CSMD3: variants seen among roughly 807,000 people sequenced by gnomAD.
CSMD3 encodes the protein CUB and sushi domain-containing protein 3.
Under a neutral mutation model 435.2 loss-of-function variants are expected in CSMD3, and 177 were observed. The ratio of observed to expected loss-of-function variants is 0.41; its 90% CI spans 0.36 to 0.46. CSMD3 has a LOEUF of 0.46. Among genes scored for constraint, CSMD3 ranks in the 20% least tolerant of loss-of-function variants. The probability of loss-of-function intolerance (pLI) is 0.34; values close to 1 mark genes in which losing one functional copy is unlikely to be tolerated. For synonymous variants in CSMD3, 1,656 were observed against 1,520.5 expected, an observed-to-expected ratio of 1.09 and a Z score of -2.07; for missense variants, 4,265 against 4,504.6, an observed-to-expected ratio of 0.95 and a Z score of 1.52.
At chr8:113,216,050 T>C (rs1388657138) in intron 3 of CSMD3, among the ~76,000 whole-genome samples, 1 of 151,818 alleles carries the variant, frequency 6.6e-6, no homozygotes, top group Non-Finnish European at 1.5e-5. Context: ...TATATTAAAA[T>C]GTATTTTACC....
chr8:112,904,675 C>G (rs1366593591), intron 10 of CSMD3, among the ~76,000 whole-genome samples: 1 of 151,334 alleles, frequency 6.6e-6, no homozygotes, highest in Non-Finnish European at 1.5e-5. Flanking sequence ...CACCTCGGTT[C>G]TGGAAGGCAC....
rs983646107 is a variant in CSMD3, at chr8:112,633,781, A to G, written c.3715+3036T>C. Among the ~76,000 whole-genome samples the G allele has an allele frequency of 2.6e-5, 4 of 152,188 alleles. No homozygotes were observed. The East Asian group carries it at 7.7e-4, about 29-fold the overall frequency. On this transcript the variant is annotated intron_variant, in intron 22 of 70. Coordinates refer to ENST00000297405, the MANE Select transcript of CSMD3 (RefSeq NM_198123.2). ...GTAAGTTTCCAAAACTAGCTTTATC[A>G]GTTCCCTTACTATCCAGAATCAGAT...
At chr8:112,359,008 A>C (rs1246723076) in intron 38 of CSMD3, among the ~76,000 whole-genome samples, 3 of 152,202 alleles carry the variant, frequency 2.0e-5, no homozygotes, top group African/African-American at 7.2e-5. Flanking sequence ...ATTCATTGAA[A>C]GCCTTAACAA....
intron 32 of CSMD3, among the ~76,000 whole-genome samples, chr8:112,448,086 C>T (rs7824211): frequency 0.43 from 64,600 of 151,728 alleles, 14,693 homozygotes; most frequent in Middle Eastern, 0.6. Context: ...CAGCACCAAT[C>T]TTTCCTCACA....
rs868278736 is a variant in CSMD3 at position 113,436,206 on chromosome 8, C to T, written c.178+471G>A. 5.9e-5 allele frequency among the ~76,000 whole-genome samples: 9 copies of T among 152,162 alleles called. No individual in the cohort carries two copies. The South Asian group carries it at 1.9e-3, about 32-fold the overall frequency. On this transcript the variant is annotated intron_variant, in intron 1 of 70. Transcript: ENST00000297405. ...TGGCAGTGCTTGGAAGATCCCTGTGCCCTAATGCATTTAAAATCAACACAT... is the reference window on the plus strand; with the variant it reads ...TGGCAGTGCTTGGAAGATCCCTGTGTCCTAATGCATTTAAAATCAACACAT...
rs1823562257 is a variant in CSMD3, at chr8:112,515,367, T to A, written c.4756+1667A>T. Among the ~76,000 whole-genome samples, 8 of 152,260 alleles carry A rather than the reference T, an allele frequency of 5.3e-5. No individual in the cohort carries two copies. In the South Asian group the frequency reaches 1.7e-3, roughly 32 times the overall value. On this transcript the variant is annotated intron_variant, in intron 28 of 70. Coordinates refer to ENST00000297405, the MANE Select transcript of CSMD3 (RefSeq NM_198123.2). The stretch of plus-strand genomic sequence containing the variant: ...AATATGCTCTTCATGAGATATGTGG[T>A]CAAATTCCAATTAATTAGAATAAGA...
At chr8:113,206,250 T>C (rs1362807414) in intron 3 of CSMD3, among the ~76,000 whole-genome samples, 1 of 152,110 alleles carries the variant, frequency 6.6e-6, no homozygotes, top group Non-Finnish European at 1.5e-5. Flanking sequence ...GATACACAAA[T>C]ATATATGTAT....
At chr8:112,301,659 T>G (rs1820932019) in intron 53 of CSMD3, 134 bp downstream of exon 53, 1 of 688,088 alleles carries the variant, frequency 1.5e-6, no homozygotes, top group East Asian at 2.7e-5. Context: ...TTTTTAAAGA[T>G]AAGTATTTTC....
At chr8:112,368,508 C>G (rs965174828) in intron 38 of CSMD3, among the ~76,000 whole-genome samples, 2 of 152,104 alleles carry the variant, frequency 1.3e-5, no homozygotes, top group Non-Finnish European at 2.9e-5. Flanking sequence ...TGCAATTGCT[C>G]TACTTGTTTA....
intron 22 of CSMD3, among the ~76,000 whole-genome samples, chr8:112,626,132 T>A (rs1834455081): frequency 6.6e-6 from 1 of 152,200 alleles, no homozygotes; most frequent in African/African-American, 2.4e-5. Flanking sequence ...CCAGAAATGA[T>A]AATGAAAAAA....
chr8:112,924,587 C>T (rs868594977), intron 9 of CSMD3, among the ~76,000 whole-genome samples: 6 of 151,082 alleles, frequency 4.0e-5, no homozygotes, highest in Admixed American at 1.3e-4. Context: ...ATTCACTTAG[C>T]GTGGAGACAG....
At chr8:113,296,027 C>A (rs1382129918) in intron 2 of CSMD3, among the ~76,000 whole-genome samples, 1 of 152,014 alleles carries the variant, frequency 6.6e-6, no homozygotes, top group African/African-American at 2.4e-5. Flanking sequence ...AACCATCATT[C>A]TCAGCAAACT....
intron 3 of CSMD3, among the ~76,000 whole-genome samples, chr8:113,232,097 G>T (rs2093095407): frequency 1.3e-5 from 2 of 151,414 alleles, no homozygotes; most frequent in Admixed American, 1.3e-4. Context: ...TTACTGAAAA[G>T]TTTTGAGAGG....
At chr8:113,126,853 G>C (rs17605788) in intron 4 of CSMD3, among the ~76,000 whole-genome samples, 43,141 of 151,634 alleles carry the variant, frequency 0.28, 7,348 homozygotes, top group East Asian at 0.69. Context: ...AATTAACACA[G>C]GAAGCTCTCT....
chr8:112,805,302 T>C (rs2079058649), intron 12 of CSMD3, among the ~76,000 whole-genome samples: 1 of 152,156 alleles, frequency 6.6e-6, no homozygotes, highest in Admixed American at 6.6e-5. Context: ...CACACTGTGC[T>C]GGATAAGTGC....
In CSMD3 at chr8:112,304,823, C is replaced by T; in HGVS notation, c.8164G>A (p.Val2722Ile). 6.2e-7 allele frequency: 1 copy of T among 1,613,946 alleles called. No homozygotes were observed. The highest frequency in any genetic ancestry group is 1.1e-5 in the South Asian group (1 of 91,080). Residue 2722 changes from valine (V) to isoleucine (I), a missense_variant, in exon 52 of 71, where the codon GTT becomes ATT. Val to Ile is a conservative substitution (Grantham distance 29). Transcript: ENST00000297405. The stretch of plus-strand genomic sequence containing the variant: ...TGATAACCAGGGTCACAGCTGAAAA[C>T]TACTTTGGTTTTGTATTCATAATGG... Reference protein sequence around the residue: ...GSHYEYKTKVVFSCDPGYHGL... With the variant: ...GSHYEYKTKVIFSCDPGYHGL...
In CSMD3 at chr8:112,645,237, A is replaced by G; in HGVS notation, c.3194-12T>C. On this transcript the variant is annotated splice_polypyrimidine_tract_variant and intron_variant, in intron 19 of 70. Transcript: ENST00000297405. ...TCCTCCACATAATGCTGAAATACAA[A>G]GAAACAGATCCATGTGATCAGCAGT... 7.5e-7 allele frequency: 1 copy of G among 1,334,108 alleles called. No individual in the cohort carries two copies. Among genetic ancestry groups the G allele is most frequent in the South Asian group, 1.2e-5 (1 of 85,474 alleles). The allele number at this position is 1,334,108 out of a possible 1,614,324, so 82.6% of individuals were successfully genotyped here.
At chr8:112,394,961 C>G (rs1008591224) in intron 35 of CSMD3, among the ~76,000 whole-genome samples, 1 of 152,140 alleles carries the variant, frequency 6.6e-6, no homozygotes, top group Admixed American at 6.6e-5. Context: ...ATATCTTGTG[C>G]TTTCAAATTA....
At chr8:113,421,090 A>G (rs548266234) in intron 1 of CSMD3, among the ~76,000 whole-genome samples, 1 of 152,314 alleles carries the variant, frequency 6.6e-6, no homozygotes, top group East Asian at 1.9e-4. Flanking sequence ...CGAAGAATAC[A>G]TAAGAAGATA....
Sources: allele counts gnomAD v4.1 joint callset (sites outside exome capture counted in the v4.1 genomes callset), GRCh38; gene constraint gnomAD v4.1.1; transcripts MANE v1.5; gene names NCBI Gene and HGNC (gene_info 2026-07-23, HGNC 2026-07-21).